FERRY3: variants seen among roughly 807,000 people sequenced by gnomAD.
The protein encoded by FERRY3 is FERRY endosomal RAB5 effector complex subunit 3.
chr12:4,496,086 A>G, the FERRY3 span, among the ~76,000 whole-genome samples: 1 of 152,196 alleles, frequency 6.6e-6, no homozygotes, highest in African/African-American at 2.4e-5. Flanking sequence ...ACACACACAC[A>G]CATACGTCTG....
At chr12:4,499,734 T>C in the FERRY3 span, among the ~76,000 whole-genome samples, 1 of 152,120 alleles carries the variant, frequency 6.6e-6, no homozygotes, top group South Asian at 2.1e-4. Flanking sequence ...CTAATTTTCA[T>C]GGCAGCCTAA....
chr12:4,518,700 TA>T, the FERRY3 span: 2 of 929,284 alleles, frequency 2.2e-6, no homozygotes, highest in Non-Finnish European at 3.2e-6. Context: ...TCTATTATTT[TA>T]AAAAAATAAT....
the FERRY3 span, among the ~76,000 whole-genome samples, chr12:4,510,770 G>T: frequency 1.3e-4 from 18 of 139,958 alleles, no homozygotes; most frequent in South Asian, 8.9e-4. Flanking sequence ...AGGAACAACC[G>T]GTACCAGCCG....
the FERRY3 span, among the ~76,000 whole-genome samples, chr12:4,512,159 C>T: frequency 1.3e-4 from 17 of 132,532 alleles, no homozygotes; most frequent in East Asian, 1.1e-3. Context: ...ATAAATTCCT[C>T]GACACATACA....
At chr12:4,503,902 A>G in the FERRY3 span, among the ~76,000 whole-genome samples, 1 of 152,244 alleles carries the variant, frequency 6.6e-6, no homozygotes, top group Non-Finnish European at 1.5e-5. Flanking sequence ...CCAGAGTAGT[A>G]ATAAGATTGG....
chr12:4,512,319 G>A, the FERRY3 span, among the ~76,000 whole-genome samples: 2 of 151,328 alleles, frequency 1.3e-5, no homozygotes, highest in African/African-American at 4.9e-5. Context: ...GTACAAGGAG[G>A]AACTGGTACC....
chr12:4,520,125 T>G, the FERRY3 span, among the ~76,000 whole-genome samples: 103 of 152,256 alleles, frequency 6.8e-4, 1 homozygote, highest in African/African-American at 2.3e-3. Context: ...CAGCTAAAAT[T>G]TTAACAGATT....
the FERRY3 span, chr12:4,517,985 T>C: frequency 7.1e-7 from 1 of 1,412,310 alleles, no homozygotes; most frequent in African/African-American, 1.4e-5. Flanking sequence ...ATTTTCCCTG[T>C]AATTCCTTTC....
At chr12:4,505,653 C>T in the FERRY3 span, among the ~76,000 whole-genome samples, 1 of 152,170 alleles carries the variant, frequency 6.6e-6, no homozygotes, top group African/African-American at 2.4e-5. Context: ...CAAGCATGCA[C>T]AGATAAGTAG....
the FERRY3 span, among the ~76,000 whole-genome samples, chr12:4,500,610 C>G: frequency 2.0e-5 from 3 of 151,978 alleles, no homozygotes; most frequent in African/African-American, 7.3e-5. Context: ...CAAATGAGTA[C>G]TCATCTTTAT....
the FERRY3 span, chr12:4,518,259 G>A: frequency 4.3e-6 from 7 of 1,613,708 alleles, no homozygotes; most frequent in Non-Finnish European, 5.9e-6. Context: ...TGGGCTCCTG[G>A]GGGTAGGCAA....
chr12:4,535,935 A>T, the FERRY3 span: 1 of 1,203,174 alleles, frequency 8.3e-7, no homozygotes, highest in Non-Finnish European at 1.1e-6. The surrounding 1 kb of genome is among the most constrained non-coding windows in gnomAD (Gnocchi z 4.0). Context: ...TCTTAGGTTT[A>T]TGCTTTCTAA....
chr12:4,518,470 T>C, the FERRY3 span, among the ~76,000 whole-genome samples: 3 of 152,194 alleles, frequency 2.0e-5, no homozygotes, highest in Non-Finnish European at 2.9e-5. Context: ...CAATAAAATA[T>C]AGTCTTTCTT....
At chr12:4,494,666 T>G in the FERRY3 span, among the ~76,000 whole-genome samples, 1 of 152,374 alleles carries the variant, frequency 6.6e-6, no homozygotes, top group African/African-American at 2.4e-5. Flanking sequence ...GGATGCTTTA[T>G]TCTGTTTTCT....
chr12:4,533,989 G>A, the FERRY3 span: 10 of 602,850 alleles, frequency 1.7e-5, no homozygotes, highest in Non-Finnish European at 2.0e-5. Context: ...TTTGTCTTAT[G>A]TGCTCACCCT....
the FERRY3 span, chr12:4,516,922 G>GA: frequency 6.5e-4 from 558 of 860,064 alleles, 4 homozygotes; most frequent in African/African-American, 9.0e-3. Flanking sequence ...TTTCTAAATA[G>GA]AAAAAACTTA....
the FERRY3 span, chr12:4,487,859 T>A: frequency 2.6e-5 from 4 of 152,138 alleles, no homozygotes; most frequent in African/African-American, 9.7e-5. Context: ...ACATCATTCA[T>A]GAAGTGCTTT....
At chr12:4,511,258 C>G in the FERRY3 span, among the ~76,000 whole-genome samples, 1 of 151,438 alleles carries the variant, frequency 6.6e-6, no homozygotes, top group African/African-American at 2.4e-5. Context: ...GAGTGACCTA[C>G]AAAGAGACTT....
At chr12:4,536,092 G>C in the FERRY3 span, 1 of 1,609,900 alleles carries the variant, frequency 6.2e-7, no homozygotes, top group Non-Finnish European at 8.5e-7. Flanking sequence ...TCTTGAACAG[G>C]AAATTTGAGT....
Sources: allele counts gnomAD v4.1 joint callset (sites outside exome capture counted in the v4.1 genomes callset), GRCh38; gene constraint gnomAD v4.1.1; non-coding constraint Gnocchi (gnomAD v3.1); transcripts MANE v1.5; gene names NCBI Gene and HGNC (gene_info 2026-07-23, HGNC 2026-07-21).